The following EYS variants were observed in gnomAD, a reference collection of about 807,000 sequenced individuals.
EYS encodes EGF-like photoreceptor maintenance factor.
EYS carries 250 observed loss-of-function variants against 282.1 expected under a neutral mutation model. That is an observed-to-expected ratio of 0.89 (90% CI 0.80 to 0.98). The LOEUF (loss-of-function observed/expected upper bound fraction) is 0.98. Among genes scored for constraint, EYS ranks in the 50% least tolerant of loss-of-function variants. The pLI is 0.00. For missense variants in EYS, 4,016 were observed against 3,709.0 expected (o/e 1.08, Z -2.15); for synonymous variants, 1,355 against 1,282.9 (o/e 1.06, Z -1.20).
At chr6:65,546,027 GT>G (rs1331634095) in intron 2 of EYS, among the ~76,000 whole-genome samples, 5 of 141,510 alleles carry the variant, frequency 3.5e-5, no homozygotes, top group Admixed American at 7.1e-5. Flanking sequence ...TTTTTTTGTT[GT>G]TTTTTTTTTG....
At chr6:64,240,423 T>C (rs1253226163) in intron 30 of EYS, among the ~76,000 whole-genome samples, 1 of 152,202 alleles carries the variant, frequency 6.6e-6, no homozygotes, top group Non-Finnish European at 1.5e-5. Flanking sequence ...TCCTCTATTA[T>C]TTCCTTGAGC....
At chr6:65,572,131 G>A (rs1248710855) in intron 2 of EYS, among the ~76,000 whole-genome samples, 1 of 151,960 alleles carries the variant, frequency 6.6e-6, no homozygotes, top group African/African-American at 2.4e-5. Flanking sequence ...TCATGAAACA[G>A]AATATGGCGT....
intron 11 of EYS, among the ~76,000 whole-genome samples, chr6:65,328,739 A>G (rs1769694068): frequency 6.8e-6 from 1 of 146,516 alleles, no homozygotes; most frequent in Non-Finnish European, 1.5e-5. Context: ...TGAAAATATT[A>G]TAATTATTAG....
intron 2 of EYS, among the ~76,000 whole-genome samples, chr6:65,608,622 T>A (rs1025183126): frequency 4.6e-5 from 7 of 152,120 alleles, no homozygotes; most frequent in African/African-American, 1.7e-4. Context: ...TTGACTTTTC[T>A]GTAATAACAC....
chr6:65,223,129 CAATA>C (rs1766515623), intron 12 of EYS, among the ~76,000 whole-genome samples: 1 of 152,094 alleles, frequency 6.6e-6, no homozygotes, highest in Non-Finnish European at 1.5e-5. Flanking sequence ...CAAAACCTCA[CAATA>C]AATAGGGGAA....
intron 31 of EYS, among the ~76,000 whole-genome samples, chr6:64,174,887 C>G (rs559249581): frequency 9.1e-4 from 138 of 152,052 alleles, no homozygotes; most frequent in African/African-American, 3.3e-3. Flanking sequence ...ATCACATAAT[C>G]ATGAGTTAAT....
intron 12 of EYS, among the ~76,000 whole-genome samples, chr6:65,166,482 T>C (rs1383515604): frequency 6.6e-6 from 1 of 151,162 alleles, no homozygotes; most frequent in East Asian, 2.0e-4. Flanking sequence ...TCAATAAGCA[T>C]AGAATATCCT....
At chr6:63,770,338 G>C (rs1047559533) in intron 40 of EYS, among the ~76,000 whole-genome samples, 3 of 152,028 alleles carry the variant, frequency 2.0e-5, no homozygotes, top group Non-Finnish European at 4.4e-5. Flanking sequence ...TGTATATGTT[G>C]AGGCTGAGAT....
At chr6:65,142,819 G>A (rs761545439) in intron 12 of EYS, among the ~76,000 whole-genome samples, 18 of 151,978 alleles carry the variant, frequency 1.2e-4, no homozygotes, top group Non-Finnish European at 2.2e-4. Context: ...GAGGCTAGAA[G>A]ATAGTGGAGT....
chr6:65,422,463 T>A (rs1329088502), intron 5 of EYS, among the ~76,000 whole-genome samples: 2 of 151,884 alleles, frequency 1.3e-5, no homozygotes, highest in African/African-American at 4.8e-5. Context: ...TTAGAAAATC[T>A]GTGAATATAG....
intron 14 of EYS, among the ~76,000 whole-genome samples, chr6:64,970,239 T>A (rs1026791520): frequency 4.6e-5 from 7 of 151,964 alleles, no homozygotes; most frequent in African/African-American, 1.7e-4. Flanking sequence ...TACCATAAAA[T>A]ATACACAAAT....
At chr6:64,230,272 CTG>C (rs1766381140) in intron 31 of EYS, among the ~76,000 whole-genome samples, 1 of 152,026 alleles carries the variant, frequency 6.6e-6, no homozygotes, top group African/African-American at 2.4e-5. Context: ...CTAATTGTCT[CTG>C]TGGAAACAAA....
intron 22 of EYS, among the ~76,000 whole-genome samples, chr6:64,800,614 G>C (rs1487007161): frequency 6.7e-6 from 1 of 148,218 alleles, no homozygotes; most frequent in East Asian, 2.0e-4. Flanking sequence ...TAACTCTTTA[G>C]ATTCCTGTCT....
chr6:65,354,671 G>A (rs750514237), intron 8 of EYS, among the ~76,000 whole-genome samples: 11 of 152,070 alleles, frequency 7.2e-5, no homozygotes, highest in Admixed American at 2.0e-4. Context: ...CAAAAAATTA[G>A]TCAGGTGCAG....
intron 24 of EYS, among the ~76,000 whole-genome samples, chr6:64,615,993 T>C (rs914453775): frequency 1.3e-5 from 2 of 152,122 alleles, no homozygotes; most frequent in African/African-American, 4.8e-5. Flanking sequence ...AGAGCTCAAA[T>C]ATTAATAGAT....
chr6:65,052,118 G>T (rs1773287943), intron 13 of EYS, among the ~76,000 whole-genome samples: 2 of 151,386 alleles, frequency 1.3e-5, no homozygotes, highest in Non-Finnish European at 1.5e-5. Context: ...TTGCCTTATT[G>T]GTTAGCACTG....
At chr6:63,986,125 A>G (rs1767351034) in intron 34 of EYS, among the ~76,000 whole-genome samples, 1 of 151,956 alleles carries the variant, frequency 6.6e-6, no homozygotes, top group Admixed American at 6.6e-5. Context: ...ATGAACAGAC[A>G]CTTTTCAAAA....
chr6:64,331,191 T>C (rs111784360), intron 29 of EYS, among the ~76,000 whole-genome samples: 2,948 of 152,184 alleles, frequency 0.019, 79 homozygotes, highest in African/African-American at 0.059. Flanking sequence ...CTATACTGAC[T>C]CAAGGTATGT....
chr6:64,256,411 A>G (rs1767401146), intron 30 of EYS, among the ~76,000 whole-genome samples: 1 of 152,054 alleles, frequency 6.6e-6, no homozygotes, highest in Admixed American at 6.6e-5. Flanking sequence ...ACTTTGCTTC[A>G]GCCTACTAGG....
Sources: gnomAD v4.1 joint callset for allele counts (sites outside exome capture counted in the v4.1 genomes callset) on GRCh38, gnomAD v4.1.1 for gene constraint, MANE v1.5 for transcripts, NCBI Gene and HGNC (gene_info 2026-07-23, HGNC 2026-07-21) for gene names.